Variants in ABTB3 observed in about 807,000 individuals in gnomAD.
ABTB3 encodes the protein ankyrin repeat- and BTB/POZ domain-containing protein 3.
chr12:107,470,286 G>A, the ABTB3 span, among the ~76,000 whole-genome samples: 235 of 152,082 alleles, frequency 1.5e-3, 2 homozygotes, highest in African/African-American at 5.3e-3. Flanking sequence ...TGATCCACCC[G>A]CCTTACCCTC....
chr12:107,402,302 T>C, the ABTB3 span, among the ~76,000 whole-genome samples: 1 of 152,204 alleles, frequency 6.6e-6, no homozygotes, highest in Non-Finnish European at 1.5e-5. Context: ...TGCTTAACGA[T>C]ACTGCCTCTC....
chr12:107,613,540 C>A, the ABTB3 span, among the ~76,000 whole-genome samples: 1 of 152,104 alleles, frequency 6.6e-6, no homozygotes, highest in Non-Finnish European at 1.5e-5. Context: ...TGTGCTTGGG[C>A]AAGTGCCTTA....
At chr12:107,323,146 G>C in the ABTB3 span, among the ~76,000 whole-genome samples, 5 of 152,134 alleles carry the variant, frequency 3.3e-5, no homozygotes, top group Non-Finnish European at 7.4e-5. Context: ...TTTCTACTTT[G>C]TTGTTATTGT....
the ABTB3 span, among the ~76,000 whole-genome samples, chr12:107,563,515 T>C: frequency 2.0e-5 from 3 of 152,134 alleles, no homozygotes; most frequent in Non-Finnish European, 2.9e-5. Flanking sequence ...GTCTAGAGGA[T>C]ACAAAGATGA....
At chr12:107,393,683 C>T in the ABTB3 span, among the ~76,000 whole-genome samples, 12 of 152,222 alleles carry the variant, frequency 7.9e-5, no homozygotes, top group Non-Finnish European at 1.8e-4. Flanking sequence ...GTAATCCCAG[C>T]GCTTTGGGAG....
chr12:107,545,540 G>A, the ABTB3 span, among the ~76,000 whole-genome samples: 1 of 152,050 alleles, frequency 6.6e-6, no homozygotes, highest in Non-Finnish European at 1.5e-5. Context: ...ATCATGCCAG[G>A]CTACTTCTTC....
At chr12:107,561,391 C>T in the ABTB3 span, among the ~76,000 whole-genome samples, 2 of 152,178 alleles carry the variant, frequency 1.3e-5, no homozygotes, top group African/African-American at 4.8e-5. Context: ...CCACAAGGCA[C>T]TTTTCATGGT....
At chr12:107,460,000 G>A in the ABTB3 span, among the ~76,000 whole-genome samples, 8 of 152,210 alleles carry the variant, frequency 5.3e-5, no homozygotes, top group Non-Finnish European at 1.2e-4. Flanking sequence ...CAGGAACCTG[G>A]GAAAACAGGC....
chr12:107,403,417 A>G, the ABTB3 span, among the ~76,000 whole-genome samples: 1 of 152,134 alleles, frequency 6.6e-6, no homozygotes, highest in Non-Finnish European at 1.5e-5. Context: ...AAAGCTTCCT[A>G]CCAGCTACTA....
the ABTB3 span, among the ~76,000 whole-genome samples, chr12:107,470,544 C>T: frequency 3.9e-5 from 6 of 152,318 alleles, no homozygotes; most frequent in East Asian, 1.9e-4. Flanking sequence ...CCCAGGGTCA[C>T]GGTGTGGGCA....
chr12:107,419,338 A>G, the ABTB3 span, among the ~76,000 whole-genome samples: 1 of 152,158 alleles, frequency 6.6e-6, no homozygotes, highest in Non-Finnish European at 1.5e-5. Context: ...CACTTAGAAT[A>G]AGCCCAGACT....
the ABTB3 span, among the ~76,000 whole-genome samples, chr12:107,368,112 C>T: frequency 6.6e-6 from 1 of 152,186 alleles, no homozygotes; most frequent in Non-Finnish European, 1.5e-5. Context: ...GGTAATAGCA[C>T]AAAAATCTTA....
the ABTB3 span, chr12:107,620,028 T>C: frequency 6.2e-7 from 1 of 1,614,056 alleles, no homozygotes; most frequent in Non-Finnish European, 8.5e-7. Context: ...TCTTTGCGGA[T>C]CGCCTTCCAG....
chr12:107,485,045 G>A, the ABTB3 span, among the ~76,000 whole-genome samples: 1 of 152,124 alleles, frequency 6.6e-6, no homozygotes, highest in South Asian at 2.1e-4. Flanking sequence ...CTCCACATAT[G>A]TTCTATCTTT....
the ABTB3 span, among the ~76,000 whole-genome samples, chr12:107,627,042 G>A: frequency 2.6e-4 from 40 of 152,184 alleles, no homozygotes; most frequent in South Asian, 4.6e-3. Context: ...CAACTGACAC[G>A]TTCCCAGTTC....
At chr12:107,587,165 G>A in the ABTB3 span, among the ~76,000 whole-genome samples, 1 of 152,228 alleles carries the variant, frequency 6.6e-6, no homozygotes, top group East Asian at 1.9e-4. Flanking sequence ...TGAAGGCAGG[G>A]CCGAACTCAC....
chr12:107,486,856 T>C, the ABTB3 span, among the ~76,000 whole-genome samples: 5 of 152,124 alleles, frequency 3.3e-5, no homozygotes, highest in African/African-American at 1.2e-4. Flanking sequence ...GGTAGGTATT[T>C]TTATCATTAT....
chr12:107,622,164 T>C, the ABTB3 span, among the ~76,000 whole-genome samples: 1 of 152,132 alleles, frequency 6.6e-6, no homozygotes. Context: ...GGGGGTTCAA[T>C]GGCATCCCCT....
chr12:107,517,361 G>A, the ABTB3 span, among the ~76,000 whole-genome samples: 3 of 152,110 alleles, frequency 2.0e-5, no homozygotes, highest in Admixed American at 2.0e-4. Context: ...GCTCTTTTTT[G>A]TTTCCATATG....
Sources: allele counts gnomAD v4.1 joint callset (sites outside exome capture counted in the v4.1 genomes callset), GRCh38; gene constraint gnomAD v4.1.1; transcripts MANE v1.5; gene names NCBI Gene and HGNC (gene_info 2026-07-23, HGNC 2026-07-21).